MAPKAP1: variants seen among roughly 807,000 people sequenced by gnomAD.
MAPKAP1 encodes target of rapamycin complex 2 subunit MAPKAP1.
In MAPKAP1, 20 loss-of-function variants were observed where a neutral mutation model predicts 65.7. The ratio of observed to expected loss-of-function variants is 0.30; its 90% CI spans 0.21 to 0.44. MAPKAP1 has a LOEUF of 0.44. Among genes scored for constraint, MAPKAP1 ranks in the 20% least tolerant of loss-of-function variants. The pLI is 1.00. For synonymous variants in MAPKAP1, 222 were observed against 244.3 expected (o/e 0.91, Z 0.85); for missense variants, 423 against 648.0 (o/e 0.65, Z 3.77).
intron 6 of MAPKAP1, among the ~76,000 whole-genome samples, chr9:125,546,988 TC>T (rs1446739762): frequency 6.6e-6 from 1 of 151,860 alleles, no homozygotes; most frequent in East Asian, 1.9e-4. Flanking sequence ...CCATGCTGGG[TC>T]TAGGGTGAAA....
chr9:125,693,900 G>A (rs117852542), intron 1 of MAPKAP1, among the ~76,000 whole-genome samples: 2,919 of 150,228 alleles, frequency 0.019, 156 homozygotes, highest in East Asian at 0.15. Context: ...CGGGCATAGG[G>A]GCTCACACCT....
Position 125,439,091 on chromosome 9 carries a change from A to G in MAPKAP1, c.1444-79T>C. ...CAGGGCATCGGAGGGGGTGGCAGGG[A>G]AGGCCCTGACCTGGGCCGGGTGCCT... On this transcript the variant is annotated intron_variant, in intron 11 of 11. Coordinates refer to ENST00000265960, the MANE Select transcript of MAPKAP1 (RefSeq NM_001006617.3). This position sits in a 1 kb window ranked among gnomAD's most constrained non-coding sequence, Gnocchi z 4.0. 1 of 1,565,218 alleles carries G rather than the reference A, an allele frequency of 6.4e-7. No individual in the cohort carries two copies. Among genetic ancestry groups the G allele is most frequent in the Non-Finnish European group, 8.7e-7 (1 of 1,151,768 alleles).
At chr9:125,594,051 CAAATGCCTCTG>C (rs1400511506) in intron 4 of MAPKAP1, among the ~76,000 whole-genome samples, 25 of 152,232 alleles carry the variant, frequency 1.6e-4, no homozygotes, top group Non-Finnish European at 3.7e-4. Context: ...CTCTACCATC[CAAATGCCTCTG>C]AAATGCCTCC....
At position 125,707,194 on chromosome 9, in the gene MAPKAP1, C is replaced by A. The variant is rs747800318; in HGVS notation, c.-293G>T. 8 of 398,068 alleles carry A rather than the reference C, an allele frequency of 2.0e-5. No individual in the cohort carries two copies. The South Asian group carries it at 3.8e-4, about 19-fold the overall frequency. 24.7% of individuals were successfully genotyped at this position (398,068 alleles called of 1,614,324 possible). ...CGGCCGAGCAGCAGCCCTATTACCC[C>A]GAGCCGCACACGACCCGGAACCACA... On this transcript the variant is annotated 5_prime_UTR_variant, in exon 1 of 12. Transcript: ENST00000265960.
intron 4 of MAPKAP1, among the ~76,000 whole-genome samples, chr9:125,639,649 G>C (rs937827966): frequency 1.3e-5 from 2 of 152,174 alleles, no homozygotes; most frequent in African/African-American, 4.8e-5. Context: ...GACGATTGTT[G>C]TGGAAGTACA....
At chr9:125,513,409 A>G (rs1564537557) in intron 7 of MAPKAP1, among the ~76,000 whole-genome samples, 1 of 152,196 alleles carries the variant, frequency 6.6e-6, no homozygotes, top group Non-Finnish European at 1.5e-5. Context: ...TCACCAATTT[A>G]AAGAGCTGCT....
chr9:125,565,658 T>C (rs1045017194), intron 5 of MAPKAP1: 1 of 411,746 alleles, frequency 2.4e-6, no homozygotes. Flanking sequence ...AAGATTTCCT[T>C]TTCTCCAAAA....
rs148007021 is a variant in MAPKAP1 at position 125,667,465 on chromosome 9, G to A, written c.349+2353C>T. Among the ~76,000 whole-genome samples, 10 of 138,086 alleles carry A rather than the reference G, an allele frequency of 7.2e-5. No homozygotes were observed. The East Asian group carries it at 2.2e-3, about 30-fold the overall frequency. The allele number at this position is 138,086 out of a possible 152,430, so 90.6% of individuals were successfully genotyped here. ...CTCCTGAGTAGCTAGAATTACAGGC[G>A]CACACCACCATGCCCAGCTAATTTA... On this transcript the variant is annotated intron_variant, in intron 3 of 11. Transcript: ENST00000265960.
intron 10 of MAPKAP1, among the ~76,000 whole-genome samples, chr9:125,458,627 G>C (rs967017662): frequency 2.0e-5 from 3 of 151,288 alleles, no homozygotes; most frequent in African/African-American, 7.3e-5. Context: ...CTTCTACACA[G>C]ACAGGGCAAC....
intron 4 of MAPKAP1, among the ~76,000 whole-genome samples, chr9:125,642,118 T>G (rs1444170080): frequency 6.7e-6 from 1 of 150,256 alleles, no homozygotes; most frequent in Admixed American, 6.7e-5. Context: ...GGTGAGAGAA[T>G]CACTTGAGCC....
intron 9 of MAPKAP1, among the ~76,000 whole-genome samples, chr9:125,474,237 GAGACAA>G (rs1854025752): frequency 6.6e-6 from 1 of 152,056 alleles, no homozygotes; most frequent in Non-Finnish European, 1.5e-5. Context: ...TCCAGTTTGG[GAGACAA>G]TGCCTTCATC....
chr9:125,580,893 C>G (rs1431850567), intron 5 of MAPKAP1, among the ~76,000 whole-genome samples: 1 of 152,194 alleles, frequency 6.6e-6, no homozygotes, highest in African/African-American at 2.4e-5. Flanking sequence ...TGCCTGTCCT[C>G]TGGCAACCAT....
At chr9:125,587,375 G>A (rs1831820288) in intron 4 of MAPKAP1, among the ~76,000 whole-genome samples, 1 of 152,172 alleles carries the variant, frequency 6.6e-6, no homozygotes, top group African/African-American at 2.4e-5. Flanking sequence ...AGACCAACCT[G>A]GCCAACATGG....
At chr9:125,442,545 A>AAT (rs964532388) in intron 11 of MAPKAP1, among the ~76,000 whole-genome samples, 3 of 151,768 alleles carry the variant, frequency 2.0e-5, no homozygotes, top group African/African-American at 7.3e-5. Context: ...ATAAAAAAAA[A>AAT]AAAAAAAAGT....
At chr9:125,500,368 T>G (rs1432524312) in intron 8 of MAPKAP1, among the ~76,000 whole-genome samples, 2 of 149,828 alleles carry the variant, frequency 1.3e-5, no homozygotes, top group Non-Finnish European at 3.0e-5. Flanking sequence ...TTTTTTTTTG[T>G]ATTTTTAGTA....
intron 3 of MAPKAP1, among the ~76,000 whole-genome samples, chr9:125,658,273 T>G (rs1194837325): frequency 6.6e-6 from 1 of 152,192 alleles, no homozygotes; most frequent in Non-Finnish European, 1.5e-5. Flanking sequence ...CACTCTCCAG[T>G]TGCACCTTGT....
chr9:125,699,172 C>T (rs1410671096), intron 1 of MAPKAP1, among the ~76,000 whole-genome samples: 2 of 152,148 alleles, frequency 1.3e-5, no homozygotes, highest in African/African-American at 2.4e-5. Flanking sequence ...ATTTCATATA[C>T]ACTTTACACA....
intron 9 of MAPKAP1, among the ~76,000 whole-genome samples, chr9:125,473,666 C>T (rs760609611): frequency 1.1e-4 from 17 of 152,176 alleles, no homozygotes; most frequent in Non-Finnish European, 2.4e-4. Context: ...AAATTAGCAC[C>T]GCGTAGCATC....
chr9:125,502,913 T>C (rs1225202547), intron 8 of MAPKAP1, among the ~76,000 whole-genome samples: 1 of 149,774 alleles, frequency 6.7e-6, no homozygotes, highest in Admixed American at 6.7e-5. Context: ...TGTATATTTT[T>C]CTTAGTAATT....
Sources: gnomAD v4.1 joint callset for allele counts (sites outside exome capture counted in the v4.1 genomes callset) on GRCh38, gnomAD v4.1.1 for gene constraint, Gnocchi (gnomAD v3.1) non-coding constraint, MANE v1.5 for transcripts, NCBI Gene and HGNC (gene_info 2026-07-23, HGNC 2026-07-21) for gene names.